The following VCF2 variants were observed in gnomAD, a reference collection of about 807,000 sequenced individuals.
VCF2 encodes the protein protein VCF2.
At chrX:55,159,719 T>C in the VCF2 span, among the ~76,000 whole-genome samples, 2 of 112,306 alleles carry the variant, frequency 1.8e-5, no homozygotes, top group Admixed American at 1.9e-4. Flanking sequence ...GCACTTACTG[T>C]TGCTATACCA....
the VCF2 span, chrX:55,159,125 C>A: frequency 8.4e-7 from 1 of 1,190,790 alleles, no homozygotes; most frequent in Non-Finnish European, 1.1e-6. Flanking sequence ...ACCATACTTG[C>A]TACCTCTGTA....
chrX:55,148,047 T>C, the VCF2 span, among the ~76,000 whole-genome samples: 1 of 110,884 alleles, frequency 9.0e-6, no homozygotes, highest in African/African-American at 3.3e-5. Flanking sequence ...AATAATGATA[T>C]ATCATTCTAT....
chrX:55,151,336 T>C, the VCF2 span, among the ~76,000 whole-genome samples: 5 of 112,428 alleles, frequency 4.4e-5, no homozygotes, highest in Non-Finnish European at 7.5e-5. Flanking sequence ...ACAGTACATG[T>C]ACAGGTTCGT....
At chrX:55,153,803 G>A in the VCF2 span, among the ~76,000 whole-genome samples, 1 of 112,260 alleles carries the variant, frequency 8.9e-6, no homozygotes, top group Admixed American at 9.4e-5. Context: ...TGACTTCAAA[G>A]CAAAGACTTA....
chrX:55,150,950 T>G, the VCF2 span, among the ~76,000 whole-genome samples: 1 of 112,322 alleles, frequency 8.9e-6, no homozygotes, highest in Non-Finnish European at 1.9e-5. Flanking sequence ...GAAACTTTTG[T>G]TTCTGAATTT....
the VCF2 span, chrX:55,143,373 C>T: frequency 4.4e-5 from 5 of 112,862 alleles, no homozygotes; most frequent in Admixed American, 9.5e-5. Context: ...CAGGATCTCA[C>T]GGGATTTTAC....
chrX:55,160,656 T>C, the VCF2 span: 1 of 476,257 alleles, frequency 2.1e-6, no homozygotes, highest in Non-Finnish European at 3.5e-6. Flanking sequence ...AAAGAATACA[T>C]TGATAAAGGT....
At chrX:55,147,427 A>G in the VCF2 span, among the ~76,000 whole-genome samples, 1 of 111,119 alleles carries the variant, frequency 9.0e-6, no homozygotes, top group African/African-American at 3.3e-5. Context: ...AGTTAGCAAT[A>G]GCAATCAAAT....
At chrX:55,155,862 A>G in the VCF2 span, among the ~76,000 whole-genome samples, 1 of 110,965 alleles carries the variant, frequency 9.0e-6, no homozygotes, top group South Asian at 3.8e-4. Flanking sequence ...AAATTCATGC[A>G]TGTATTCATG....
chrX:55,153,415 C>T, the VCF2 span, among the ~76,000 whole-genome samples: 4 of 103,968 alleles, frequency 3.8e-5, no homozygotes, highest in Non-Finnish European at 7.8e-5. Flanking sequence ...AGTGCAGTGG[C>T]GCGATCTCAG....
the VCF2 span, chrX:55,143,931 A>G: frequency 2.5e-6 from 2 of 814,506 alleles, no homozygotes; most frequent in Admixed American, 4.7e-5. Context: ...AGAGATTTAC[A>G]CTGACCACTC....
At chrX:55,146,428 A>G in the VCF2 span, 5 of 641,420 alleles carry the variant, frequency 7.8e-6, no homozygotes, top group South Asian at 1.3e-4. Context: ...TTTACAAAGT[A>G]GAGCCATTTA....
the VCF2 span, among the ~76,000 whole-genome samples, chrX:55,152,457 T>C: frequency 9.0e-6 from 1 of 111,725 alleles, no homozygotes; most frequent in Non-Finnish European, 1.9e-5. Flanking sequence ...CCTAATAATG[T>C]GTGACCTACC....
the VCF2 span, among the ~76,000 whole-genome samples, chrX:55,149,997 G>A: frequency 1.8e-5 from 2 of 111,801 alleles, no homozygotes; most frequent in African/African-American, 6.5e-5. Flanking sequence ...ACTTTTTCTA[G>A]TTGACAAACT....
the VCF2 span, chrX:55,143,740 C>T: frequency 9.5e-7 from 1 of 1,049,519 alleles, no homozygotes; most frequent in East Asian, 3.1e-5. Context: ...TCTGATATTC[C>T]TTGAAAATAC....
At chrX:55,148,246 A>C in the VCF2 span, among the ~76,000 whole-genome samples, 1 of 110,706 alleles carries the variant, frequency 9.0e-6, no homozygotes, top group African/African-American at 3.3e-5. Flanking sequence ...TTAAAATCTA[A>C]AGTTATATTA....
At chrX:55,160,761 A>G in the VCF2 span, 6 of 1,064,421 alleles carry the variant, frequency 5.6e-6, no homozygotes, top group Middle Eastern at 2.4e-4. Flanking sequence ...CTCACCGAGG[A>G]AATGCCAATT....
At chrX:55,153,355 A>AT in the VCF2 span, among the ~76,000 whole-genome samples, 346 of 84,457 alleles carry the variant, frequency 4.1e-3, 1 homozygote, top group Middle Eastern at 0.011. Flanking sequence ...TTATTTATTA[A>AT]TTTTTTTTTT....
chrX:55,144,924 T>A, the VCF2 span, among the ~76,000 whole-genome samples: 2 of 112,742 alleles, frequency 1.8e-5, no homozygotes, highest in African/African-American at 6.4e-5. Context: ...ACCTGATGCA[T>A]CCTGGTCCTT....
Sources: allele counts gnomAD v4.1 joint callset (sites outside exome capture counted in the v4.1 genomes callset), GRCh38; gene constraint gnomAD v4.1.1; transcripts MANE v1.5; gene names NCBI Gene and HGNC (gene_info 2026-07-23, HGNC 2026-07-21).